The following CADM1 variants were observed in gnomAD, a reference collection of about 807,000 sequenced individuals.
CADM1 encodes TSLC-1.
CADM1 carries 15 observed loss-of-function variants against 53.1 expected under a neutral mutation model. The ratio of observed to expected loss-of-function variants is 0.28; its 90% confidence interval spans 0.19 to 0.44. The LOEUF (loss-of-function observed/expected upper bound fraction) is 0.44, where lower values mean the gene tolerates loss of function less well. CADM1 is among the 20% of genes least tolerant of loss of function. The pLI is 1.00. For missense variants in CADM1, 434 were observed against 611.3 expected, an observed-to-expected ratio of 0.71 and a Z score of 3.06; for synonymous variants, 281 against 243.0, an observed-to-expected ratio of 1.16 and a Z score of -1.45.
At chr11:115,252,816 C>G (rs908437650) in intron 1 of CADM1, among the ~76,000 whole-genome samples, 2 of 152,160 alleles carry the variant, frequency 1.3e-5, no homozygotes, top group Admixed American at 1.3e-4. Context: ...AGTCAGCTTT[C>G]CATATAACTA....
At position 115,407,873 on chromosome 11, in the gene CADM1, TAAAAAAAAAAAAAAAA is replaced by T. The variant is rs148209064; in HGVS notation, c.124+96382_124+96397del. On this transcript the variant is annotated intron_variant, in intron 1 of 11. Transcript: ENST00000331581. ...AGAAGGAAAGTAAGACCCTGTCATT[TAAAAAAAAAAAAAAAA>T]AAAAAAAAAAAAAAAAAGGCAGAGT... 4.5e-3 allele frequency among the ~76,000 whole-genome samples: 142 copies of T among 31,758 alleles called. 2 individuals carry two copies. Among genetic ancestry groups the T allele is most frequent in the Middle Eastern group, 0.033 (1 of 30 alleles). The allele number at this position is 31,758 out of a possible 152,430, so 20.8% of individuals were successfully genotyped here.
intron 9 of CADM1, among the ~76,000 whole-genome samples, chr11:115,196,742 T>G (rs1423814962): frequency 6.6e-6 from 1 of 152,146 alleles, no homozygotes. Context: ...CATTTTACCT[T>G]GTAGTTAATT....
At chr11:115,373,583 CAAAAA>C (rs35059216) in intron 1 of CADM1, among the ~76,000 whole-genome samples, 2 of 48,836 alleles carry the variant, frequency 4.1e-5, no homozygotes, top group African/African-American at 2.1e-4. Context: ...GACTCTGTCT[CAAAAA>C]AAAAAAAAAA....
intron 1 of CADM1, among the ~76,000 whole-genome samples, chr11:115,437,730 T>C (rs1003799331): frequency 6.6e-6 from 1 of 152,214 alleles, no homozygotes; most frequent in Admixed American, 6.5e-5. Flanking sequence ...TTCTTGCTGG[T>C]TTGCTTTTCT....
intron 1 of CADM1, among the ~76,000 whole-genome samples, chr11:115,275,115 C>T (rs1943408086): frequency 6.6e-6 from 1 of 152,238 alleles, no homozygotes. Flanking sequence ...TCCTTCCCCA[C>T]ATTGCGCCAC....
intron 1 of CADM1, among the ~76,000 whole-genome samples, chr11:115,466,618 C>T (rs1409130486): frequency 1.3e-5 from 2 of 152,172 alleles, no homozygotes; most frequent in Non-Finnish European, 2.9e-5. Context: ...TTAAGGTGTG[C>T]ATTTACCTTC....
At chr11:115,333,045 G>A (rs1412762645) in intron 1 of CADM1, among the ~76,000 whole-genome samples, 1 of 152,024 alleles carries the variant, frequency 6.6e-6, no homozygotes, top group African/African-American at 2.4e-5. Flanking sequence ...ATTGCTTACT[G>A]GTCTTTTCTC....
At chr11:115,383,663 C>T (rs1452829692) in intron 1 of CADM1, among the ~76,000 whole-genome samples, 1 of 152,124 alleles carries the variant, frequency 6.6e-6, no homozygotes, top group African/African-American at 2.4e-5. Context: ...TATCTTTTCC[C>T]CCCATGACTT....
Position 115,173,114 on chromosome 11 carries a change from C to A in CADM1, c.*3360G>T, listed in dbSNP as rs150486129. 0.01 allele frequency: 1,580 copies of A among 152,414 alleles called. 28 individuals carry two copies. Among genetic ancestry groups the A allele is most frequent in the African/African-American group, 0.035 (1,455 of 41,558 alleles). The allele number at this position is 152,414 out of a possible 1,614,324, so 9.4% of individuals were successfully genotyped here. On this transcript the variant is annotated 3_prime_UTR_variant, in exon 12 of 12. Coordinates refer to ENST00000331581, the MANE Select transcript of CADM1 (RefSeq NM_001301043.2). ...GTGAGAACAATCTTCTGCAGGCAGC[C>A]AAGCCAGTCCTCCACAGCTCACGTC...
In CADM1 at chr11:115,240,296, G is replaced by A. The variant is rs755080312; in HGVS notation, c.249C>T (p.Thr83=). Residue 83 remains threonine, a synonymous_variant, in exon 2 of 12, where the codon ACC becomes ACT. Coordinates refer to ENST00000331581, the MANE Select transcript of CADM1 (RefSeq NM_001301043.2). ...VIQLLNPNRQ[T]IYFRDFRPLK... is the part of the protein sequence containing the mutation. ...TACGCCTGAAGTCCCTGAAATAAAT[G>A]GTCTGCCTGTTGGGATTCAGTAGCT... is the stretch of plus-strand genomic sequence containing the variant. 4.3e-6 allele frequency: 7 copies of A among 1,613,590 alleles called. No individual in the cohort carries two copies. The highest frequency in any genetic ancestry group is 5.1e-6 in the Non-Finnish European group (6 of 1,179,838).
chr11:115,244,391 A>C (rs948731293), intron 1 of CADM1, among the ~76,000 whole-genome samples: 12 of 152,196 alleles, frequency 7.9e-5, no homozygotes, highest in Non-Finnish European at 1.6e-4. Flanking sequence ...CTGGATTGGA[A>C]TCTATTCAGT....
chr11:115,393,162 G>A (rs7129613), intron 1 of CADM1, among the ~76,000 whole-genome samples: 52,521 of 150,086 alleles, frequency 0.35, 9,854 homozygotes, highest in Non-Finnish European at 0.43. Flanking sequence ...ACATATGCTT[G>A]AAGAATATTT....
chr11:115,293,988 A>C (rs1434367151), intron 1 of CADM1, among the ~76,000 whole-genome samples: 10 of 152,162 alleles, frequency 6.6e-5, no homozygotes, highest in Non-Finnish European at 1.5e-4. Flanking sequence ...AACATATCTT[A>C]AGTTATTTCA....
At chr11:115,480,147 TAAGAA>T (rs1278070203) in intron 1 of CADM1, among the ~76,000 whole-genome samples, 1 of 152,188 alleles carries the variant, frequency 6.6e-6, no homozygotes, top group African/African-American at 2.4e-5. Context: ...CATCTCCACT[TAAGAA>T]AAGATACCTA....
chr11:115,274,292 G>A (rs951733552), intron 1 of CADM1, among the ~76,000 whole-genome samples: 2 of 152,166 alleles, frequency 1.3e-5, no homozygotes, highest in East Asian at 1.9e-4. Context: ...TCTGAATCAC[G>A]GAATGGCACA....
chr11:115,231,852 G>T (rs773008988), intron 3 of CADM1, among the ~76,000 whole-genome samples: 1 of 152,074 alleles, frequency 6.6e-6, no homozygotes, highest in Non-Finnish European at 1.5e-5. Context: ...CGGGCACGGC[G>T]GCACATGCCT....
intron 5 of CADM1, among the ~76,000 whole-genome samples, chr11:115,227,708 G>A (rs917118103): frequency 5.3e-5 from 8 of 152,160 alleles, no homozygotes; most frequent in East Asian, 1.9e-4. Context: ...CAGATTAAAT[G>A]AATTAACGAG....
intron 3 of CADM1, among the ~76,000 whole-genome samples, chr11:115,232,061 C>T (rs1216545348): frequency 1.3e-5 from 2 of 152,056 alleles, no homozygotes; most frequent in Admixed American, 6.6e-5. Context: ...TCACTGAGCA[C>T]ATTATATCAA....
intron 1 of CADM1, among the ~76,000 whole-genome samples, chr11:115,464,421 G>A (rs905104923): frequency 6.6e-6 from 1 of 152,132 alleles, no homozygotes; most frequent in African/African-American, 2.4e-5. Context: ...CATTAGTCAT[G>A]TCCCTTAAGC....
Sources: allele counts gnomAD v4.1 joint callset (sites outside exome capture counted in the v4.1 genomes callset), GRCh38; gene constraint gnomAD v4.1.1; transcripts MANE v1.5; gene names NCBI Gene and HGNC (gene_info 2026-07-23, HGNC 2026-07-21).